The following RYK variants were observed in gnomAD, a reference collection of about 807,000 sequenced individuals.
The protein encoded by RYK is inactive tyrosine-protein kinase RYK.
In RYK, 21 loss-of-function variants were observed where a neutral mutation model predicts 70.2. That is an observed-to-expected ratio of 0.30 (90% CI 0.21 to 0.43). RYK has a LOEUF of 0.43. Among genes scored for constraint, RYK ranks in the 20% least tolerant of loss-of-function variants. RYK has a pLI of 1.00. For synonymous variants in RYK, 267 were observed against 278.0 expected (o/e 0.96, Z 0.39); for missense variants, 604 against 753.3 (o/e 0.80, Z 2.32).
rs1438459108 is a variant in RYK at position 134,191,995 on chromosome 3, A to C, written c.890-21T>G. The C allele has an allele frequency of 4.3e-6, 7 of 1,611,576 alleles. No individual in the cohort carries two copies. The Admixed American group carries it at 1.2e-4, about 27-fold the overall frequency. On this transcript the variant is annotated intron_variant, in intron 7 of 14. Transcript: ENST00000623711. ...ATAACCTAAGGAGCCAACAAAGCCA[A>C]ACCAAGCAATATAAATACCCTTATT...
In RYK at chr3:134,188,879, CT is replaced by C; in HGVS notation, c.1059del (p.Asp354IlefsTer22). 6.3e-7 allele frequency: 1 copy of C among 1,581,296 alleles called. No individual in the cohort carries two copies. Among genetic ancestry groups the C allele is most frequent in the Non-Finnish European group, 8.7e-7 (1 of 1,155,986 alleles). ...AATGCTTGTTTTTCTTTATTTGGATCTTTTTCATCTATTAAAATCCCATGGA... is the reference window on the plus strand; with the variant it reads ...AATGCTTGTTTTTCTTTATTTGGATCTTTTCATCTATTAAAATCCCATGGA... Reference protein sequence around the residue: ...RIFHGILIDEKDPNKEKQAFV... With the variant: ...RIFHGILIDEXDPNKEKQAFV... On this transcript the variant is annotated frameshift_variant, in exon 9 of 15. Transcript: ENST00000623711. LOFTEE classifies it high-confidence loss of function.
At chr3:134,207,172 C>A (rs891870215) in intron 5 of RYK, among the ~76,000 whole-genome samples, 1 of 152,152 alleles carries the variant, frequency 6.6e-6, no homozygotes, top group Non-Finnish European at 1.5e-5. Context: ...TAATAAACAT[C>A]TTACACATAT....
chr3:134,246,544 A>G (rs914512991), intron 1 of RYK, among the ~76,000 whole-genome samples: 3 of 152,262 alleles, frequency 2.0e-5, no homozygotes, highest in African/African-American at 7.2e-5. Flanking sequence ...TGAGCTTCAA[A>G]AAAACAGAAA....
chr3:134,159,293 G>A lies in RYK; in HGVS notation c.1656C>T (p.Ala552=), dbSNP rs373312095. 7.6e-5 allele frequency: 123 copies of A among 1,613,858 alleles called. No individual in the cohort carries two copies. The highest frequency in any genetic ancestry group is 1.8e-4 in the South Asian group (16 of 91,066). The part of the protein sequence containing the change: ...PYVDIDPFEM[A]AYLKDGYRIA... The stretch of plus-strand genomic sequence containing the variant: ...TTCGGTAACCATCTTTCAGGTATGC[G>A]GCCATCTCGAAGGGGTCAATGTCCA... Residue 552 remains alanine, a synonymous_variant, in exon 14 of 15, where the codon GCC becomes GCT. Coordinates refer to ENST00000623711, the MANE Select transcript of RYK (RefSeq NM_002958.4).
chr3:134,247,446 G>A (rs1014778608), intron 1 of RYK, among the ~76,000 whole-genome samples: 1 of 152,224 alleles, frequency 6.6e-6, no homozygotes, highest in African/African-American at 2.4e-5. Context: ...GCTCACACCT[G>A]TAATCCCAGC....
At chr3:134,242,218 T>C (rs538494955) in intron 1 of RYK, among the ~76,000 whole-genome samples, 2 of 151,994 alleles carry the variant, frequency 1.3e-5, no homozygotes, top group South Asian at 2.1e-4. Flanking sequence ...GGCAGGAGAA[T>C]TGCTTGAACC....
intron 11 of RYK, among the ~76,000 whole-genome samples, chr3:134,177,473 A>C (rs7610426): frequency 0.016 from 2,425 of 152,312 alleles, 62 homozygotes; most frequent in African/African-American, 0.056. Flanking sequence ...CAAGCAGGGA[A>C]GAGAAACACT....
At chr3:134,206,464 T>C (rs1433689363) in intron 5 of RYK, among the ~76,000 whole-genome samples, 2 of 90,948 alleles carry the variant, frequency 2.2e-5, no homozygotes, top group African/African-American at 7.0e-5. Flanking sequence ...ATACAAAACA[T>C]ATATCACCCA....
intron 4 of RYK, among the ~76,000 whole-genome samples, 200 bp from the exon 5 acceptor site, chr3:134,207,725 T>C (rs796088963): frequency 2.0e-4 from 31 of 152,320 alleles, no homozygotes; most frequent in African/African-American, 6.3e-4. Flanking sequence ...AGGGTGTTAC[T>C]TCTAGATGCT....
chr3:134,178,112 T>C, intron 10 of RYK, 39 bp from the exon 11 acceptor site: 7 of 1,447,130 alleles, frequency 4.8e-6, no homozygotes, highest in Non-Finnish European at 6.6e-6. Context: ...GACAAAGGAA[T>C]CCAAAATGTT....
chr3:134,221,205 T>TTTC (rs2014725557), intron 2 of RYK, among the ~76,000 whole-genome samples: 1 of 126,076 alleles, frequency 7.9e-6, no homozygotes, highest in African/African-American at 3.1e-5. Context: ...TCTTTTTTTT[T>TTTC]TTTTTTTTTT....
chr3:134,211,933 G>A (rs2014410673), intron 2 of RYK, among the ~76,000 whole-genome samples: 1 of 152,298 alleles, frequency 6.6e-6, no homozygotes, highest in Admixed American at 6.5e-5. Context: ...AAGAACCAAA[G>A]CGGTGAGATA....
chr3:134,216,035 C>CAAAA (rs11425839), intron 2 of RYK, among the ~76,000 whole-genome samples: 1 of 130,796 alleles, frequency 7.6e-6, no homozygotes, highest in African/African-American at 2.9e-5. Context: ...GACTCAGTCT[C>CAAAA]AAAAAAAAAA....
rs145759689 is a variant in RYK at position 134,177,708 on chromosome 3, CACA to C, written c.1305+230_1305+232del. Among the ~76,000 whole-genome samples, 320 of 152,250 alleles carry C rather than the reference CACA, an allele frequency of 2.1e-3. 3 individuals are homozygous for C. The highest frequency in any genetic ancestry group is 7.2e-3 in the African/African-American group (301 of 41,534). On this transcript the variant is annotated intron_variant, in intron 11 of 14. Coordinates refer to ENST00000623711, the MANE Select transcript of RYK (RefSeq NM_002958.4). ...GGTTTGAGTTGATTATGAATAAGTA[CACA>C]ACGAGAATATAAGGAAAACTTCAGC...
intron 1 of RYK, among the ~76,000 whole-genome samples, chr3:134,232,767 T>C (rs750490596): frequency 1.3e-5 from 2 of 152,246 alleles, no homozygotes; most frequent in African/African-American, 4.8e-5. Flanking sequence ...TTGTGAGACA[T>C]GTTTCTGTAA....
chr3:134,239,318 T>C (rs1052898113), intron 1 of RYK, among the ~76,000 whole-genome samples: 1 of 151,678 alleles, frequency 6.6e-6, no homozygotes, highest in Non-Finnish European at 1.5e-5. Context: ...TTTATATTAG[T>C]GGGGTATGGT....
intron 6 of RYK, among the ~76,000 whole-genome samples, chr3:134,198,157 T>G (rs751663394): frequency 6.6e-6 from 1 of 152,252 alleles, no homozygotes; most frequent in Non-Finnish European, 1.5e-5. Context: ...TAGCACTTAA[T>G]AGTTTATAGC....
intron 13 of RYK, among the ~76,000 whole-genome samples, chr3:134,166,504 GAA>G (rs1219867139): frequency 6.6e-6 from 1 of 152,216 alleles, no homozygotes; most frequent in Admixed American, 6.5e-5. Flanking sequence ...ATACGTGATT[GAA>G]AAGTGACTAC....
At chr3:134,216,041 A>AG (rs1440424537) in intron 2 of RYK, among the ~76,000 whole-genome samples, 3 of 151,880 alleles carry the variant, frequency 2.0e-5, no homozygotes, top group East Asian at 1.9e-4. Flanking sequence ...GTCTCAAAAA[A>AG]AAAAAGAAAA....
Sources: gnomAD v4.1 joint callset for allele counts (sites outside exome capture counted in the v4.1 genomes callset) on GRCh38, gnomAD v4.1.1 for gene constraint, MANE v1.5 for transcripts, NCBI Gene and HGNC (gene_info 2026-07-23, HGNC 2026-07-21) for gene names.